ASTN2: variants seen among roughly 807,000 people sequenced by gnomAD.
ASTN2 encodes astrotactin-2.
A neutral mutation model predicts 139.8 loss-of-function variants in ASTN2; 54 were observed. The observed-to-expected ratio is 0.39, with a 90% confidence interval of 0.31 to 0.48. ASTN2 has a LOEUF of 0.48. Ranked by LOEUF, ASTN2 falls within the 20% of genes least tolerant of loss-of-function variation. ASTN2 has a pLI of 0.95. For synonymous variants in ASTN2, 756 were observed against 719.5 expected, an observed-to-expected ratio of 1.05 and a Z score of -0.81; for missense variants, 1,565 against 1,725.1, an observed-to-expected ratio of 0.91 and a Z score of 1.64.
intron 13 of ASTN2, among the ~76,000 whole-genome samples, chr9:116,797,084 ATGC>A (rs1441451131): frequency 2.0e-5 from 3 of 152,054 alleles, no homozygotes; most frequent in Non-Finnish European, 4.4e-5. Context: ...GCCTCCCAAA[ATGC>A]TGGGTGTTAA....
intron 11 of ASTN2, among the ~76,000 whole-genome samples, chr9:116,835,440 C>T (rs1564293824): frequency 6.6e-6 from 1 of 152,140 alleles, no homozygotes; most frequent in Non-Finnish European, 1.5e-5. Flanking sequence ...ATAGCTACAT[C>T]TTTTTCTTTC....
chr9:116,938,324 G>T (rs1490888962), intron 10 of ASTN2, among the ~76,000 whole-genome samples: 3 of 152,156 alleles, frequency 2.0e-5, no homozygotes, highest in African/African-American at 7.2e-5. Context: ...GAAAGTTTTG[G>T]TCCTATGTTA....
chr9:116,931,539 G>T (rs1305075974), intron 10 of ASTN2, among the ~76,000 whole-genome samples: 7 of 152,170 alleles, frequency 4.6e-5, no homozygotes, highest in African/African-American at 1.2e-4. Flanking sequence ...TTGAGCAAAA[G>T]ATTTTAACTT....
chr9:117,066,484 T>A (rs928721390), intron 5 of ASTN2, among the ~76,000 whole-genome samples: 1 of 149,246 alleles, frequency 6.7e-6, no homozygotes, highest in African/African-American at 2.5e-5. Flanking sequence ...AACATACGTG[T>A]GCATGTGTCT....
At chr9:116,844,800 C>G (rs1161167617) in intron 11 of ASTN2, among the ~76,000 whole-genome samples, 1 of 152,164 alleles carries the variant, frequency 6.6e-6, no homozygotes. Flanking sequence ...GAAATACCAA[C>G]AGGCCATTAT....
chr9:117,180,192 G>A (rs1013377336), intron 3 of ASTN2, among the ~76,000 whole-genome samples: 2 of 152,118 alleles, frequency 1.3e-5, no homozygotes, highest in Admixed American at 6.5e-5. Context: ...TTTCTGGGAG[G>A]AAGACTATCT....
In ASTN2 at chr9:117,241,515, C is replaced by T. The variant is rs555029208; in HGVS notation, c.631-26773G>A. Reference sequence around the variant, plus strand: ...CTGTGGTTACGGAATAAAACTGTTCCACCTCAGATCATCAGGCATGAGTTG... The same window carrying T: ...CTGTGGTTACGGAATAAAACTGTTCTACCTCAGATCATCAGGCATGAGTTG... On this transcript the variant is annotated intron_variant, in intron 2 of 22. Coordinates refer to ENST00000313400, the MANE Select transcript of ASTN2 (RefSeq NM_001365068.1). 2.0e-5 allele frequency among the ~76,000 whole-genome samples: 3 copies of T among 152,256 alleles called. No individual in the cohort carries two copies. In the South Asian group the frequency reaches 6.2e-4, roughly 32 times the overall value.
chr9:117,278,987 C>A (rs1209929838), intron 2 of ASTN2, among the ~76,000 whole-genome samples: 1 of 152,164 alleles, frequency 6.6e-6, no homozygotes, highest in Non-Finnish European at 1.5e-5. Flanking sequence ...GACCTAAAAG[C>A]TTTGTTTTTG....
intron 13 of ASTN2, among the ~76,000 whole-genome samples, chr9:116,748,765 G>A (rs1302685176): frequency 6.6e-6 from 1 of 152,028 alleles, no homozygotes; most frequent in Non-Finnish European, 1.5e-5. Flanking sequence ...CCCTGGACAG[G>A]GAGCCAGGAT....
Position 116,913,739 on chromosome 9 carries a change from T to C in ASTN2, c.1890-50006A>G, listed in dbSNP as rs150035744. ...GCATTCGTAATTGGGGAAGAACAGA[T>C]GGGAGAGACGCAGTTGGAAGTAATA... On this transcript the variant is annotated intron_variant, in intron 10 of 22. Transcript: ENST00000313400. Among the ~76,000 whole-genome samples, 355 of 152,126 alleles carry C rather than the reference T, an allele frequency of 2.3e-3. 1 individual carries two copies. The highest frequency in any genetic ancestry group is 8.2e-3 in the African/African-American group (342 of 41,506).
intron 4 of ASTN2, among the ~76,000 whole-genome samples, chr9:117,098,178 A>G (rs981474534): frequency 2.0e-5 from 3 of 152,234 alleles, no homozygotes; most frequent in African/African-American, 7.2e-5. Context: ...TCATCCTTCG[A>G]GTGTCAAGAT....
At chr9:117,156,573 C>T (rs1830437544) in intron 3 of ASTN2, among the ~76,000 whole-genome samples, 1 of 151,966 alleles carries the variant, frequency 6.6e-6, no homozygotes, top group Non-Finnish European at 1.5e-5. Context: ...GGTTGTGAAC[C>T]AATGGACTAA....
chr9:116,723,004 A>G (rs1828514914), intron 16 of ASTN2, among the ~76,000 whole-genome samples: 2 of 152,092 alleles, frequency 1.3e-5, no homozygotes, highest in Admixed American at 1.3e-4. Context: ...TCTCTACTAA[A>G]AATAGAAAAA....
At chr9:116,659,639 C>T (rs1352907333) in intron 16 of ASTN2, among the ~76,000 whole-genome samples, 13 of 152,082 alleles carry the variant, frequency 8.5e-5, no homozygotes, top group Admixed American at 6.6e-4. Context: ...GAGTCATATC[C>T]GTTCCAAATA....
chr9:116,861,423 C>G (rs1832880872), intron 11 of ASTN2, among the ~76,000 whole-genome samples: 1 of 152,172 alleles, frequency 6.6e-6, no homozygotes, highest in Non-Finnish European at 1.5e-5. Flanking sequence ...CACAGAACAT[C>G]CTTTTGAGCT....
At chr9:116,970,520 C>A (rs903545947) in intron 10 of ASTN2, among the ~76,000 whole-genome samples, 24 of 152,126 alleles carry the variant, frequency 1.6e-4, no homozygotes, top group African/African-American at 5.8e-4. Context: ...CTTCAACTGT[C>A]AAAAAGTATG....
intron 10 of ASTN2, among the ~76,000 whole-genome samples, chr9:116,955,934 T>C (rs1157373290): frequency 6.6e-6 from 1 of 152,204 alleles, no homozygotes; most frequent in Non-Finnish European, 1.5e-5. Flanking sequence ...ACAGTCAACA[T>C]GCTATCATGG....
intron 16 of ASTN2, among the ~76,000 whole-genome samples, chr9:116,704,242 T>G (rs1395784368): frequency 6.6e-6 from 1 of 152,228 alleles, no homozygotes; most frequent in East Asian, 1.9e-4. Flanking sequence ...AGATTTTAAT[T>G]AATTTGTTAA....
intron 19 of ASTN2, among the ~76,000 whole-genome samples, chr9:116,576,626 A>C (rs1564128774): frequency 2.0e-5 from 3 of 152,130 alleles, no homozygotes; most frequent in Non-Finnish European, 4.4e-5. Flanking sequence ...ACTAGCAAGA[A>C]CGGCCCTGCT....
Sources: gnomAD v4.1 joint callset for allele counts (sites outside exome capture counted in the v4.1 genomes callset) on GRCh38, gnomAD v4.1.1 for gene constraint, MANE v1.5 for transcripts, NCBI Gene and HGNC (gene_info 2026-07-23, HGNC 2026-07-21) for gene names.